CNTNAP2: variants seen among roughly 807,000 people sequenced by gnomAD.
CNTNAP2 encodes contactin associated protein 2, also known as contactin-associated protein-like 2.
A neutral mutation model predicts 155.2 loss-of-function variants in CNTNAP2; 98 were observed. The ratio of observed to expected loss-of-function variants is 0.63; its 90% CI spans 0.54 to 0.75. The LOEUF is 0.75. CNTNAP2 is among the 30% of genes least tolerant of loss of function. CNTNAP2 has a pLI of 0.00. For missense variants in CNTNAP2, 1,727 were observed against 1,688.1 expected, an observed-to-expected ratio of 1.02 and a Z score of -0.40; for synonymous variants, 651 against 631.2, an observed-to-expected ratio of 1.03 and a Z score of -0.47.
intron 14 of CNTNAP2, among the ~76,000 whole-genome samples, chr7:147,948,854 G>GTATAT (rs1436386114): frequency 1.3e-5 from 2 of 151,994 alleles, no homozygotes; most frequent in East Asian, 1.9e-4. Flanking sequence ...TGTATGTTAT[G>GTATAT]TATATTATAT....
intron 1 of CNTNAP2, among the ~76,000 whole-genome samples, chr7:146,468,743 C>A (rs971974839): frequency 6.6e-6 from 1 of 152,078 alleles, no homozygotes; most frequent in Non-Finnish European, 1.5e-5. Context: ...AAAGCTGATT[C>A]ACCTGTTGCT....
chr7:148,304,182 A>G (rs1797446472), intron 21 of CNTNAP2, among the ~76,000 whole-genome samples: 1 of 152,244 alleles, frequency 6.6e-6, no homozygotes, highest in Non-Finnish European at 1.5e-5. Flanking sequence ...AAAACAGGAA[A>G]TTAGATTGTA....
At chr7:147,489,283 TCTCCCTTTGGGATGAGTAGACAA>T (rs1798564341) in intron 11 of CNTNAP2, among the ~76,000 whole-genome samples, 1 of 152,114 alleles carries the variant, frequency 6.6e-6, no homozygotes, top group South Asian at 2.1e-4. Context: ...AGCCAGGATG[TCTCCCTTTGGGATGAGTAGACAA>T]CTCAATCCCA....
Position 148,283,267 on chromosome 7 carries a change from G to GA in CNTNAP2, c.3475+16144dup, listed in dbSNP as rs1328481694. On this transcript the variant is annotated intron_variant, in intron 21 of 23. Transcript: ENST00000361727. ...AAAAAAAAAAAAAAAAAGAAAGAAA[G>GA]AAAGAAAGAAAGAAAGAAAGAAAGA... 1.0e-4 allele frequency among the ~76,000 whole-genome samples: 6 copies of GA among 58,990 alleles called. No homozygotes were observed. In the East Asian group the frequency reaches 1.0e-3, roughly 10 times the overall value. The allele number at this position is 58,990 out of a possible 152,430, so 38.7% of individuals were successfully genotyped here.
At chr7:146,884,479 T>G (rs1350302522) in intron 3 of CNTNAP2, among the ~76,000 whole-genome samples, 2 of 152,156 alleles carry the variant, frequency 1.3e-5, no homozygotes, top group Non-Finnish European at 1.5e-5. Flanking sequence ...AACCTCCCAG[T>G]GCCATCTTAA....
chr7:148,003,151 A>C (rs1185043647), intron 15 of CNTNAP2, among the ~76,000 whole-genome samples: 1 of 152,186 alleles, frequency 6.6e-6, no homozygotes, highest in South Asian at 2.1e-4. Context: ...AGGAGCATCA[A>C]CCTCTATGTG....
intron 1 of CNTNAP2, among the ~76,000 whole-genome samples, chr7:146,279,060 C>A (rs1000394274): frequency 6.6e-6 from 1 of 152,102 alleles, no homozygotes; most frequent in Non-Finnish European, 1.5e-5. Context: ...AGAAGATATG[C>A]TGTCTTCACT....
intron 13 of CNTNAP2, among the ~76,000 whole-genome samples, chr7:147,796,270 T>G (rs939301605): frequency 6.6e-6 from 1 of 152,172 alleles, no homozygotes; most frequent in African/African-American, 2.4e-5. Context: ...CAAGAGTGGC[T>G]TATGTACTAT....
chr7:146,274,745 G>A (rs1460267918), intron 1 of CNTNAP2, among the ~76,000 whole-genome samples: 1 of 151,354 alleles, frequency 6.6e-6, no homozygotes, highest in Non-Finnish European at 1.5e-5. Context: ...ACTCATTTCT[G>A]AGTAAATATA....
chr7:146,848,836 G>A (rs902546025), intron 3 of CNTNAP2, among the ~76,000 whole-genome samples: 2 of 152,158 alleles, frequency 1.3e-5, no homozygotes, highest in Non-Finnish European at 2.9e-5. Context: ...GCAGTAGAGC[G>A]ATTTCAGCTC....
At chr7:147,288,611 T>A (rs374117609) in intron 8 of CNTNAP2, among the ~76,000 whole-genome samples, 1 of 152,218 alleles carries the variant, frequency 6.6e-6, no homozygotes, top group Non-Finnish European at 1.5e-5. Context: ...TCTTCAGTTA[T>A]CAAAGTAACG....
At chr7:147,428,501 C>T (rs181599731) in intron 10 of CNTNAP2, among the ~76,000 whole-genome samples, 2 of 152,268 alleles carry the variant, frequency 1.3e-5, no homozygotes, top group African/African-American at 2.4e-5. Flanking sequence ...TAGATTGCTA[C>T]TGTCTTCTAC....
At chr7:147,366,767 C>T (rs1229381326) in intron 9 of CNTNAP2, among the ~76,000 whole-genome samples, 10 of 129,400 alleles carry the variant, frequency 7.7e-5, no homozygotes, top group Non-Finnish European at 1.1e-4. Flanking sequence ...TGATTTTTTA[C>T]GAATTTGTTG....
intron 13 of CNTNAP2, among the ~76,000 whole-genome samples, chr7:147,768,392 T>A (rs1471172086): frequency 6.6e-6 from 1 of 152,118 alleles, no homozygotes; most frequent in Non-Finnish European, 1.5e-5. Flanking sequence ...AACTTTTTAA[T>A]AGTAATCTAT....
chr7:148,146,917 T>C (rs1376140215), intron 16 of CNTNAP2, among the ~76,000 whole-genome samples: 1 of 152,196 alleles, frequency 6.6e-6, no homozygotes, highest in African/African-American at 2.4e-5. Flanking sequence ...CCCAAAGCAG[T>C]AGCTCTCAAC....
At chr7:147,277,662 A>G (rs1804928454) in intron 8 of CNTNAP2, among the ~76,000 whole-genome samples, 1 of 151,790 alleles carries the variant, frequency 6.6e-6, no homozygotes. Context: ...ACTAGAAAGT[A>G]CCATGATTTA....
At chr7:146,670,373 C>G (rs61382425) in intron 1 of CNTNAP2, among the ~76,000 whole-genome samples, 5 of 152,216 alleles carry the variant, frequency 3.3e-5, no homozygotes, top group African/African-American at 1.2e-4. Flanking sequence ...ATGCCATGGA[C>G]TTTTTTTCTG....
intron 21 of CNTNAP2, among the ~76,000 whole-genome samples, chr7:148,331,723 ATTGG>A (rs1798022944): frequency 4.0e-5 from 6 of 150,322 alleles, no homozygotes; most frequent in South Asian, 2.1e-4. Flanking sequence ...GGACGGATGG[ATTGG>A]ATGGATGGAG....
intron 1 of CNTNAP2, among the ~76,000 whole-genome samples, chr7:146,395,502 C>A (rs1464255705): frequency 6.6e-6 from 1 of 152,084 alleles, no homozygotes; most frequent in African/African-American, 2.4e-5. Context: ...GAGCCCTCCT[C>A]TCCCAGTATT....
Sources: gnomAD v4.1 joint callset for allele counts (sites outside exome capture counted in the v4.1 genomes callset) on GRCh38, gnomAD v4.1.1 for gene constraint, MANE v1.5 for transcripts, NCBI Gene and HGNC (gene_info 2026-07-23, HGNC 2026-07-21) for gene names.